The following GRIK1 variants were observed in gnomAD, a reference collection of about 807,000 sequenced individuals.
GRIK1 encodes glutamate ionotropic receptor kainate type subunit 1, also known as glutamate receptor ionotropic, kainate 1.
GRIK1 carries 69 observed loss-of-function variants against 105.7 expected under a neutral mutation model. The ratio of observed to expected loss-of-function variants is 0.65; its 90% CI spans 0.54 to 0.80. The LOEUF is 0.80. Ranked by LOEUF, GRIK1 falls within the 30% of genes least tolerant of loss-of-function variation. The pLI, the probability that GRIK1 is intolerant of heterozygous loss-of-function variation, is 0.00. For synonymous variants in GRIK1, 438 were observed against 431.3 expected (o/e 1.02, Z -0.19); for missense variants, 1,109 against 1,167.3 (o/e 0.95, Z 0.73).
chr21:29,642,783 A>T, intron 7 of GRIK1, 43 bp downstream of exon 7: 2 of 1,592,326 alleles, frequency 1.3e-6, no homozygotes, highest in Non-Finnish European at 1.7e-6. Context: ...CAAGCCCAAC[A>T]GTGCTCAGAA....
At chr21:29,825,087 C>T (rs1433631383) in intron 1 of GRIK1, among the ~76,000 whole-genome samples, 1 of 152,002 alleles carries the variant, frequency 6.6e-6, no homozygotes, top group African/African-American at 2.4e-5. Context: ...GAGCCAGAGA[C>T]ACTTATCATT....
At chr21:29,578,794 A>T (rs1312182175) in intron 13 of GRIK1, among the ~76,000 whole-genome samples, 1 of 152,072 alleles carries the variant, frequency 6.6e-6, no homozygotes, top group African/African-American at 2.4e-5. Flanking sequence ...AGGTTGTTTC[A>T]TATCTTTGTA....
At chr21:29,907,593 G>A (rs1380680751) in intron 1 of GRIK1, among the ~76,000 whole-genome samples, 1 of 152,034 alleles carries the variant, frequency 6.6e-6, no homozygotes, top group Non-Finnish European at 1.5e-5. Flanking sequence ...CAATTAAGAA[G>A]TTATCACGAA....
At chr21:29,862,546 C>T (rs1034752730) in intron 1 of GRIK1, among the ~76,000 whole-genome samples, 1 of 152,162 alleles carries the variant, frequency 6.6e-6, no homozygotes, top group Non-Finnish European at 1.5e-5. Flanking sequence ...TACAGATCCG[C>T]TCCAGCTCCC....
chr21:29,757,829 C>G (rs997153426), intron 1 of GRIK1, among the ~76,000 whole-genome samples: 2 of 152,188 alleles, frequency 1.3e-5, no homozygotes, highest in African/African-American at 2.4e-5. Context: ...CAATACTACC[C>G]CTTCCTCAGT....
intron 7 of GRIK1, 92 bp downstream of exon 7, chr21:29,642,734 T>A: frequency 3.6e-6 from 4 of 1,113,938 alleles, no homozygotes; most frequent in Non-Finnish European, 5.3e-6. Context: ...AGGGGCATCA[T>A]GCCAGCAGAA....
intron 1 of GRIK1, among the ~76,000 whole-genome samples, chr21:29,807,122 T>A (rs1475971997): frequency 6.6e-6 from 1 of 152,180 alleles, no homozygotes. Context: ...ACAATCAGCA[T>A]GATGTCTTAA....
chr21:29,871,307 AG>A (rs2069003172), intron 1 of GRIK1, among the ~76,000 whole-genome samples: 2 of 152,216 alleles, frequency 1.3e-5, no homozygotes, highest in Non-Finnish European at 2.9e-5. Context: ...AAAATTGTGA[AG>A]CATCCTGCAA....
chr21:29,588,523 T>C (rs1423083102), intron 11 of GRIK1, among the ~76,000 whole-genome samples: 1 of 152,198 alleles, frequency 6.6e-6, no homozygotes, highest in Non-Finnish European at 1.5e-5. Flanking sequence ...TCTTCTGCCA[T>C]GATTGTAAGT....
At chr21:29,782,147 C>T (rs1378865189) in intron 1 of GRIK1, among the ~76,000 whole-genome samples, 6 of 148,136 alleles carry the variant, frequency 4.1e-5, no homozygotes, top group Non-Finnish European at 6.0e-5. Context: ...AGTGCAGTGG[C>T]GCGATCTCGG....
chr21:29,644,946 C>T (rs555695041), intron 6 of GRIK1, among the ~76,000 whole-genome samples: 1 of 152,238 alleles, frequency 6.6e-6, no homozygotes, highest in African/African-American at 2.4e-5. Context: ...AATGGGATCC[C>T]CAAACTCATG....
At chr21:29,675,508 T>A (rs190237955) in intron 3 of GRIK1, among the ~76,000 whole-genome samples, 1 of 152,254 alleles carries the variant, frequency 6.6e-6, no homozygotes, top group Non-Finnish European at 1.5e-5. Flanking sequence ...GAATGTCACA[T>A]CTTTCTATCA....
intron 1 of GRIK1, among the ~76,000 whole-genome samples, chr21:29,773,238 C>T (rs1010754372): frequency 9.9e-5 from 15 of 152,126 alleles, no homozygotes; most frequent in South Asian, 2.1e-4. Context: ...ATTCTGCAAG[C>T]GAGAGGACTG....
At chr21:29,688,082 T>G (rs1366490991) in intron 3 of GRIK1, among the ~76,000 whole-genome samples, 1 of 152,184 alleles carries the variant, frequency 6.6e-6, no homozygotes, top group African/African-American at 2.4e-5. Flanking sequence ...AAAGTATGCG[T>G]GTGGATTTGA....
intron 1 of GRIK1, among the ~76,000 whole-genome samples, chr21:29,715,205 G>T (rs1601518097): frequency 1.3e-5 from 2 of 152,320 alleles, no homozygotes; most frequent in Non-Finnish European, 2.9e-5. Flanking sequence ...CATAATTTGA[G>T]CTACAATTGC....
At chr21:29,930,141 GCCTTAGGGTTCAGA>G (rs889160967) in intron 1 of GRIK1, among the ~76,000 whole-genome samples, 4 of 152,176 alleles carry the variant, frequency 2.6e-5, no homozygotes, top group African/African-American at 9.7e-5. Flanking sequence ...CATGGAAACA[GCCTTAGGGTTCAGA>G]TTTTTCCTAA....
At chr21:29,582,938 A>T (rs998215444) in intron 12 of GRIK1, among the ~76,000 whole-genome samples, 6 of 152,148 alleles carry the variant, frequency 3.9e-5, no homozygotes, top group African/African-American at 1.4e-4. Context: ...TGAATACATT[A>T]TCTATATGAA....
intron 6 of GRIK1, among the ~76,000 whole-genome samples, chr21:29,644,380 C>T (rs2062575336): frequency 6.6e-6 from 1 of 152,008 alleles, no homozygotes; most frequent in South Asian, 2.1e-4. Context: ...TAACATGGTT[C>T]CTGACACAGA....
At chr21:29,734,238 T>G (rs2064711923) in intron 1 of GRIK1, among the ~76,000 whole-genome samples, 1 of 152,192 alleles carries the variant, frequency 6.6e-6, no homozygotes, top group South Asian at 2.1e-4. Flanking sequence ...TTTCTAGAAT[T>G]ATGGCTTAGC....
Sources: gnomAD v4.1 joint callset for allele counts (sites outside exome capture counted in the v4.1 genomes callset) on GRCh38, gnomAD v4.1.1 for gene constraint, MANE v1.5 for transcripts, NCBI Gene and HGNC (gene_info 2026-07-23, HGNC 2026-07-21) for gene names.